The following RUFY3 variants were observed in gnomAD, a reference collection of about 807,000 sequenced individuals.
RUFY3 encodes the protein protein RUFY3.
RUFY3 carries 34 observed loss-of-function variants against 84.0 expected under a neutral mutation model. The observed-to-expected ratio is 0.40, with a 90% CI of 0.31 to 0.54. The LOEUF is 0.54. RUFY3 is among the 20% of genes least tolerant of loss of function. The probability of loss-of-function intolerance (pLI) is 0.39; values close to 1 mark genes in which losing one functional copy is unlikely to be tolerated. For missense variants in RUFY3, 507 were observed against 736.8 expected (o/e 0.69, Z 3.61); for synonymous variants, 242 against 252.9 (o/e 0.96, Z 0.41).
chr4:70,704,789 A>T, upstream of RUFY3: 2 of 478,544 alleles, frequency 4.2e-6, no homozygotes, highest in Non-Finnish European at 6.4e-6. Flanking sequence ...GGCGGAGCCC[A>T]GGCGCCAGCC....
In RUFY3 at chr4:70,799,618, C is replaced by T. The variant is rs565015291; in HGVS notation, c.1558-523C>T. On this transcript the variant is annotated intron_variant, in intron 14 of 17. Transcript: ENST00000381006. ...CTGAGACACAAGAATCGCTTGAACC[C>T]GGGAGGCAGAGGCTGCAGTGAGACG... 6 of 153,226 alleles carry T rather than the reference C, an allele frequency of 3.9e-5. No homozygotes were observed. The East Asian group carries it at 5.7e-4, about 15-fold the overall frequency. 9.5% of individuals were successfully genotyped at this position (153,226 alleles called of 1,614,324 possible).
At chr4:70,725,576 C>T in intron 1 of RUFY3, among the ~76,000 whole-genome samples, 1 of 152,104 alleles carries the variant, frequency 6.6e-6, no homozygotes, top group East Asian at 1.9e-4. Context: ...GGTGATACAC[C>T]CTCCTTGACC....
chr4:70,763,469 T>A, intron 2 of RUFY3, 83 bp from the exon 3 acceptor site: 1 of 938,854 alleles, frequency 1.1e-6, no homozygotes. Flanking sequence ...TCCTGAAAAG[T>A]TGTGTGTGTA....
Position 70,741,829 on chromosome 4 carries a change from A to C in RUFY3, c.178+19078A>C, listed in dbSNP as rs1163480699. On this transcript the variant is annotated intron_variant, in intron 1 of 17. Transcript: ENST00000381006. ...TGGAAATCTTAATGTTTTGGTTCCA[A>C]GTAAAATAGTGTCAATGTATGTTTA... The C allele has an allele frequency of 1.9e-5, 10 of 516,618 alleles. No individual in the cohort carries two copies. In the Admixed American group the frequency reaches 2.5e-4, roughly 13 times the overall value. The allele number at this position is 516,618 out of a possible 1,614,324, so 32.0% of individuals were successfully genotyped here.
At chr4:70,768,754 ATAT>A in intron 5 of RUFY3, 93 bp downstream of exon 5, 1 of 1,148,874 alleles carries the variant, frequency 8.7e-7, no homozygotes. Context: ...AAATTAGGCC[ATAT>A]TCTATGAGTC....
In RUFY3 at chr4:70,722,230, C is replaced by T. The variant is rs568230854; in HGVS notation, c.-344C>T. Reference sequence around the variant, plus strand: ...GCCAGCTAAGGCAGCATCAGCTGTGCGGGATTTAAAGCCTATAGCTCAGCT... The same window carrying T: ...GCCAGCTAAGGCAGCATCAGCTGTGTGGGATTTAAAGCCTATAGCTCAGCT... On this transcript the variant is annotated 5_prime_UTR_variant, in exon 1 of 18. Coordinates refer to ENST00000381006, the MANE Select transcript of RUFY3 (RefSeq NM_001037442.4). The T allele has an allele frequency of 3.5e-4, 435 of 1,228,206 alleles. 1 individual carries two copies. The highest frequency in any genetic ancestry group is 6.7e-4 in the East Asian group (21 of 31,534). 76.1% of individuals were successfully genotyped at this position (1,228,206 alleles called of 1,614,324 possible).
At chr4:70,764,048 G>A (rs1037568737) in intron 3 of RUFY3, among the ~76,000 whole-genome samples, 5 of 152,186 alleles carry the variant, frequency 3.3e-5, no homozygotes, top group Admixed American at 2.6e-4. Flanking sequence ...GCTAGTGACT[G>A]TAGCCTGCCT....
At chr4:70,715,901 C>T (rs1741533281) in intron 1 of RUFY3, among the ~76,000 whole-genome samples, 1 of 152,106 alleles carries the variant, frequency 6.6e-6, no homozygotes, top group South Asian at 2.1e-4. Flanking sequence ...ATCACGAGGT[C>T]AGGAGATCAA....
chr4:70,715,259 A>G (rs1176757204), intron 1 of RUFY3, among the ~76,000 whole-genome samples: 2 of 152,178 alleles, frequency 1.3e-5, no homozygotes, highest in Non-Finnish European at 2.9e-5. Context: ...GCTTTCCACC[A>G]ATGTCATCAT....
chr4:70,778,687 C>T (rs1461146536), intron 8 of RUFY3, among the ~76,000 whole-genome samples: 2 of 149,754 alleles, frequency 1.3e-5, no homozygotes, highest in African/African-American at 2.5e-5. Flanking sequence ...TCAAGCGATG[C>T]TCCTGCCTCA....
intron 14 of RUFY3, chr4:70,799,522 C>G: frequency 6.6e-6 from 1 of 152,470 alleles, no homozygotes; most frequent in Non-Finnish European, 1.5e-5. Context: ...GGTGAAACCT[C>G]GTCTCTAGTA....
intron 12 of RUFY3, chr4:70,792,414 CCA>C (rs1730966862): frequency 1.0e-6 from 1 of 981,478 alleles, no homozygotes; most frequent in African/African-American, 1.8e-5. Flanking sequence ...CAGTAGATAT[CCA>C]CAAGCAATAT....
At chr4:70,744,096 G>C (rs1322728978) in intron 1 of RUFY3, among the ~76,000 whole-genome samples, 2 of 152,190 alleles carry the variant, frequency 1.3e-5, no homozygotes, top group African/African-American at 2.4e-5. Flanking sequence ...TGCAGGCTCA[G>C]ATCTTTTCTG....
chr4:70,794,115 C>T (rs1475004254), intron 13 of RUFY3, among the ~76,000 whole-genome samples: 1 of 151,994 alleles, frequency 6.6e-6, no homozygotes, highest in African/African-American at 2.4e-5. Context: ...AAATTAGAGC[C>T]CAAGATCCCA....
intron 1 of RUFY3, among the ~76,000 whole-genome samples, chr4:70,758,076 CTATAT>C (rs960358012): frequency 2.8e-4 from 43 of 152,096 alleles, no homozygotes; most frequent in African/African-American, 8.9e-4. Flanking sequence ...GAAAAGAATC[CTATAT>C]TATAAGTATT....
At chr4:70,778,236 A>AAAT (rs886233398) in intron 7 of RUFY3, 133 bp from the exon 8 acceptor site, 3 of 382,328 alleles carry the variant, frequency 7.8e-6, no homozygotes, top group East Asian at 4.3e-5. Flanking sequence ...CTCCGTCTAA[A>AAAT]AATAATAATA....
At chr4:70,705,376 C>A in intron 1 of RUFY3, 1 of 1,048,548 alleles carries the variant, frequency 9.5e-7, no homozygotes, top group South Asian at 2.8e-5. Context: ...CCGCGGAGCT[C>A]CGCCTCCCGC....
At position 70,794,808 on chromosome 4, in the gene RUFY3, T is replaced by G. The variant is rs755915482; in HGVS notation, c.1471T>G (p.Leu491Val). 1 of 1,611,926 alleles carries G rather than the reference T, an allele frequency of 6.2e-7. No homozygotes were observed. Among genetic ancestry groups the G allele is most frequent in the South Asian group, 1.1e-5 (1 of 90,816 alleles). ...AACTTACCTCAGGAACCAGCTTGAG[T>G]TAGAACTAAAACAGGAAAAAGAAAG... ...ELTRQRNQLE[L>V]ELKQEKERRL... is the part of the protein sequence containing the mutation. Residue 491 changes from leucine (L) to valine (V), a missense_variant, in exon 14 of 18, where the codon TTA (leucine) becomes GTA (valine). Around this residue, in one of 4 missense-constraint regions of RUFY3, gnomAD observed 334 missense variants for 364.1 expected, o/e 0.92. Coordinates refer to ENST00000381006, the MANE Select transcript of RUFY3 (RefSeq NM_001037442.4).
chr4:70,740,182 A>T (rs1377836455), intron 1 of RUFY3, among the ~76,000 whole-genome samples: 1 of 151,596 alleles, frequency 6.6e-6, no homozygotes, highest in Non-Finnish European at 1.5e-5. Context: ...CTATTGTAGT[A>T]AAGTCCTGAG....
Sources: allele counts gnomAD v4.1 joint callset (sites outside exome capture counted in the v4.1 genomes callset), GRCh38; gene constraint gnomAD v4.1.1; regional missense constraint gnomAD v4.1.1; transcripts MANE v1.5; gene names NCBI Gene and HGNC (gene_info 2026-07-23, HGNC 2026-07-21).